SLC1A6: variants seen among roughly 807,000 people sequenced by gnomAD.
SLC1A6 encodes the protein solute carrier family 1 member 6, also known as excitatory amino acid transporter 4.
Under a neutral mutation model 42.1 loss-of-function variants are expected in SLC1A6, and 15 were observed. The observed-to-expected ratio is 0.36, with a 90% CI of 0.24 to 0.55. The LOEUF (loss-of-function observed/expected upper bound fraction) is 0.55. SLC1A6 is among the 20% of genes least tolerant of loss of function. The probability of loss-of-function intolerance (pLI) is 0.88; values close to 1 mark genes in which losing one functional copy is unlikely to be tolerated. For missense variants in SLC1A6, 542 were observed against 772.5 expected, an observed-to-expected ratio of 0.70 and a Z score of 3.54; for synonymous variants, 317 against 319.7, an observed-to-expected ratio of 0.99 and a Z score of 0.09.
At chr19:14,968,701 A>G (rs1398850655) in intron 3 of SLC1A6, among the ~76,000 whole-genome samples, 194 bp from the exon 4 acceptor site, 1 of 151,708 alleles carries the variant, frequency 6.6e-6, no homozygotes, top group African/African-American at 2.4e-5. Context: ...AATTTTCCAA[A>G]TACACACCCT....
chr19:14,956,701 G>T lies in SLC1A6; in HGVS notation c.944C>A (p.Pro315His). The change falls in exon 7 of 10, where the codon CCT (proline) becomes CAT (histidine). Residue 315 changes from proline to histidine, a missense_variant. Transcript: ENST00000594383. Reference protein sequence around the residue: ...RLVGIIIWYAPVGILFLIAGK... With the variant: ...RLVGIIIWYAHVGILFLIAGK... ...AGCAATCAGGAACAGGATGCCCACA[G>T]GTGCATACCTGTGTGAGGGAGCCAC... The T allele has an allele frequency of 6.2e-7, 1 of 1,608,906 alleles. No homozygotes were observed.
intron 1 of SLC1A6, among the ~76,000 whole-genome samples, chr19:14,985,970 A>C (rs1419147619): frequency 1.3e-5 from 2 of 152,150 alleles, no homozygotes; most frequent in African/African-American, 4.8e-5. Context: ...AAAAGAAAAA[A>C]AACAACAACA....
intron 3 of SLC1A6, 95 bp from the exon 4 acceptor site, chr19:14,968,602 C>T (rs1002688117): frequency 2.1e-5 from 22 of 1,059,722 alleles, no homozygotes; most frequent in Non-Finnish European, 3.0e-5. Context: ...ACCAACTCAA[C>T]AGCCGACCCA....
intron 9 of SLC1A6, 64 bp downstream of exon 9, chr19:14,952,864 G>A (rs543473781): frequency 6.2e-5 from 96 of 1,550,044 alleles, no homozygotes; most frequent in Non-Finnish European, 7.1e-5. Context: ...GGTCGAGGAC[G>A]TTGCAGGGGA....
chr19:15,004,625 G>A (rs2045887613), intron 1 of SLC1A6, among the ~76,000 whole-genome samples: 1 of 151,738 alleles, frequency 6.6e-6, no homozygotes, highest in East Asian at 1.9e-4. Flanking sequence ...CTTGAGACCA[G>A]GAGTTGGAGG....
At chr19:14,960,543 A>G (rs2045500247) in intron 6 of SLC1A6, among the ~76,000 whole-genome samples, 5 of 152,256 alleles carry the variant, frequency 3.3e-5, no homozygotes, top group Admixed American at 3.3e-4. Context: ...GGGTGAATAA[A>G]TCACTGCAGA....
At chr19:14,968,556 C>A in intron 3 of SLC1A6, 49 bp from the exon 4 acceptor site, 1 of 1,479,438 alleles carries the variant, frequency 6.8e-7, no homozygotes, top group South Asian at 1.2e-5. Flanking sequence ...TACCCAACGC[C>A]AGCTCTCCTA....
chr19:14,967,906 G>T (rs1330321047), intron 4 of SLC1A6, among the ~76,000 whole-genome samples: 2 of 152,150 alleles, frequency 1.3e-5, no homozygotes, highest in East Asian at 3.9e-4. Context: ...ATTGACAGAG[G>T]CTGTGCATTT....
upstream of SLC1A6, among the ~76,000 whole-genome samples, chr19:14,981,097 A>T (rs971809462): frequency 1.3e-5 from 2 of 152,002 alleles, no homozygotes; most frequent in African/African-American, 4.8e-5. Flanking sequence ...GTTCAAGATC[A>T]GCCTGGGCAA....
intron 1 of SLC1A6, among the ~76,000 whole-genome samples, chr19:14,993,267 T>C (rs2045829540): frequency 6.6e-6 from 1 of 151,966 alleles, no homozygotes; most frequent in Non-Finnish European, 1.5e-5. Context: ...AATTAGTGGT[T>C]GCCCAGGGCT....
chr19:14,950,482 A>T (rs1476846745), intron 9 of SLC1A6, 92 bp from the exon 10 acceptor site: 1 of 896,408 alleles, frequency 1.1e-6, no homozygotes, highest in Non-Finnish European at 1.7e-6. Context: ...TGTGCCAGGG[A>T]GTCAGAGGGC....
rs146753676 is a variant in SLC1A6 at position 14,950,343 on chromosome 19, G to A, written c.1547C>T (p.Ala516Val). Reference protein sequence around the residue: ...MTNVLGDSIGAAVIEHLSQRE... With the variant: ...MTNVLGDSIGVAVIEHLSQRE... The stretch of plus-strand genomic sequence containing the variant: ...CTGAGACAAGTGCTCGATGACGGCC[G>A]CTCCAATTGAGTCCCCCAGTACGTT... The change falls in exon 10 of 10, where the codon GCG becomes GTG. Residue 516 changes from alanine to valine, a missense_variant. Around this residue, in one of 6 missense-constraint regions of SLC1A6, gnomAD observed 73 missense variants for 85.2 expected, o/e 0.86. Transcript: ENST00000594383. 1.0e-4 allele frequency: 164 copies of A among 1,608,108 alleles called. No individual in the cohort carries two copies. The highest frequency in any genetic ancestry group is 3.6e-4 in the East Asian group (16 of 44,590).
intron 1 of SLC1A6, among the ~76,000 whole-genome samples, chr19:14,996,543 CTTCTTCTTCTTCTTCTTG>C (rs1418090295): frequency 3.5e-5 from 5 of 143,376 alleles, no homozygotes; most frequent in African/African-American, 1.3e-4. Flanking sequence ...TCTTCTTCTT[CTTCTTCTTCTTCTTCTTG>C]TTCTTCTTCC....
At chr19:14,975,738 G>A (rs1284209036) in intron 1 of SLC1A6, among the ~76,000 whole-genome samples, 1 of 122,858 alleles carries the variant, frequency 8.1e-6, no homozygotes, top group Non-Finnish European at 1.6e-5. Context: ...GGGTGACAAA[G>A]CCAGACTTTG....
intron 3 of SLC1A6, among the ~76,000 whole-genome samples, chr19:14,970,853 C>A (rs538390346): frequency 6.6e-6 from 1 of 152,168 alleles, no homozygotes; most frequent in South Asian, 2.1e-4. Flanking sequence ...ACATGTGAGC[C>A]GGGCGTGGTG....
intron 9 of SLC1A6, 71 bp downstream of exon 9, chr19:14,952,857 C>G: frequency 6.5e-7 from 1 of 1,537,990 alleles, no homozygotes; most frequent in Non-Finnish European, 8.8e-7. Flanking sequence ...GTCCACAGGT[C>G]GAGGACGTTG....
chr19:14,975,349 C>T (rs969664699), intron 1 of SLC1A6: 4 of 133,044 alleles, frequency 3.0e-5, no homozygotes, highest in Admixed American at 7.5e-5. Flanking sequence ...GATGGATGTG[C>T]TAATTACCCT....
At chr19:14,958,719 T>C (rs2045484335) in intron 6 of SLC1A6, among the ~76,000 whole-genome samples, 1 of 152,168 alleles carries the variant, frequency 6.6e-6, no homozygotes, top group Admixed American at 6.6e-5. Flanking sequence ...CCAAGATTAA[T>C]TGTGCATGAT....
chr19:15,002,743 CAT>C (rs2045877646), intron 1 of SLC1A6, among the ~76,000 whole-genome samples: 1 of 152,114 alleles, frequency 6.6e-6, no homozygotes, highest in Non-Finnish European at 1.5e-5. Flanking sequence ...AAAAAGAAAA[CAT>C]GTGAAAGAGC....
Sources: gnomAD v4.1 joint callset for allele counts (sites outside exome capture counted in the v4.1 genomes callset) on GRCh38, gnomAD v4.1.1 for gene constraint, gnomAD v4.1.1 regional missense constraint, MANE v1.5 for transcripts, NCBI Gene and HGNC (gene_info 2026-07-23, HGNC 2026-07-21) for gene names.